Variants in OTOG observed in about 807,000 individuals in gnomAD.
OTOG encodes otogelin.
A neutral mutation model predicts 313.8 loss-of-function variants in OTOG; 296 were observed. That is an observed-to-expected ratio of 0.94 (90% confidence interval 0.86 to 1.04). The LOEUF (loss-of-function observed/expected upper bound fraction) is 1.04, where lower values mean the gene tolerates loss of function less well. Ranked by LOEUF, OTOG falls within the 50% of genes least tolerant of loss-of-function variation. OTOG has a pLI of 0.00. For missense variants in OTOG, 3,948 were observed against 3,840.1 expected (o/e 1.03, Z -0.74); for synonymous variants, 1,533 against 1,554.9 (o/e 0.99, Z 0.33).
In OTOG at chr11:17,559,070, C is replaced by T. The variant is rs774865741; in HGVS notation, c.1122C>T (p.Ala374=). ...TGCACAGATCAATGGGTGATGTAGC[C>T]ACCTGGTGCCGGGCACTGGCGGAGT... ...SDLCQSMGDV[A]TWCRALAEYA... is the part of the protein sequence containing the mutation. Residue 374 remains alanine (A), a synonymous_variant, in exon 11 of 56, where the codon GCC becomes GCT. Transcript: ENST00000399397. The T allele has an allele frequency of 1.3e-6, 2 of 1,548,206 alleles. No homozygotes were observed. The highest frequency in any genetic ancestry group is 2.4e-5 in the East Asian group (1 of 40,904).
chr11:17,586,475 C>T lies in OTOG; in HGVS notation c.2761C>T (p.Leu921=). 7.1e-7 allele frequency: 1 copy of T among 1,406,486 alleles called. No individual in the cohort carries two copies. Among genetic ancestry groups the T allele is most frequent in the Non-Finnish European group, 9.3e-7 (1 of 1,074,706 alleles). The allele number at this position is 1,406,486 out of a possible 1,614,324, so 87.1% of individuals were successfully genotyped here. A position where few individuals can be genotyped will look rare whatever the true frequency, so the allele number is the denominator to read the frequency against. ...CGCCTGCTTGCTGTGTCTCTACAGT[C>T]TGCTCAGACACGGGGATGCATGTTT... is the stretch of plus-strand genomic sequence containing the variant. ...CLSGCACPQG[L]LRHGDACFLP... is the part of the protein sequence containing the mutation. The change falls in exon 24 of 56, where the codon CTG becomes TTG. Residue 921 remains leucine, a splice_region_variant and synonymous_variant. Coordinates refer to ENST00000399397, the MANE Select transcript of OTOG (RefSeq NM_001292063.2).
At position 17,610,103 on chromosome 11, in the gene OTOG, C is replaced by T. The variant is rs1372488778; in HGVS notation, c.4803C>T (p.Ile1601=). The T allele has an allele frequency of 1.2e-5, 19 of 1,550,482 alleles. No homozygotes were observed. In the East Asian group the frequency reaches 4.4e-4, roughly 36 times the overall value. ...VTVIFAGSPN[I]TVSSRSPPAP... ...TGATCTTTGCAGGAAGCCCTAACAT[C>T]ACAGTCTCCTCCCGGTCGCCCCCTG... Residue 1601 remains isoleucine (I), a synonymous_variant, in exon 36 of 56, where the codon ATC becomes ATT. Coordinates refer to ENST00000399397, the MANE Select transcript of OTOG (RefSeq NM_001292063.2).
intron 39 of OTOG, among the ~76,000 whole-genome samples, chr11:17,621,986 T>C (rs1178974744): frequency 6.6e-6 from 1 of 152,210 alleles, no homozygotes; most frequent in African/African-American, 2.4e-5. Flanking sequence ...TGGAGTCCTA[T>C]GAATGCAGGC....
chr11:17,576,531 T>C (rs1852530045), intron 20 of OTOG, 25 bp from the exon 21 acceptor site: 1 of 1,541,678 alleles, frequency 6.5e-7, no homozygotes, highest in African/African-American at 1.4e-5. Flanking sequence ...CCTGCTCACC[T>C]TTCTTTGCTC....
chr11:17,596,650 A>G (rs185818692), intron 29 of OTOG, among the ~76,000 whole-genome samples: 7 of 152,224 alleles, frequency 4.6e-5, no homozygotes, highest in Admixed American at 3.3e-4. Context: ...GAGAGAAGAG[A>G]GCTTAGTTCT....
chr11:17,623,421 G>T (rs1853911422), intron 39 of OTOG, among the ~76,000 whole-genome samples: 1 of 152,096 alleles, frequency 6.6e-6, no homozygotes, highest in Admixed American at 6.6e-5. Context: ...TTTTGCATTA[G>T]TTTGCTAAGG....
chr11:17,610,356 C>A lies in OTOG; in HGVS notation c.5056C>A (p.Gln1686Lys). The A allele has an allele frequency of 6.4e-7, 1 of 1,550,710 alleles. No homozygotes were observed. The highest frequency in any genetic ancestry group is 8.7e-7 in the Non-Finnish European group (1 of 1,147,000). The change falls in exon 36 of 56, where the codon CAG becomes AAG. Residue 1686 changes from glutamine to lysine, a missense_variant. By Grantham distance (53) the Gln-to-Lys change is moderately conservative. Transcript: ENST00000399397. The part of the protein sequence containing the change: ...ISRTGVPQPT[Q>K]AQSASSPSTP... ...CAGGACAGGGGTCCCCCAGCCCACC[C>A]AGGCCCAGAGTGCTTCAAGTCCCAG...
At chr11:17,638,873 G>A in intron 48 of OTOG, 2 of 1,059,278 alleles carry the variant, frequency 1.9e-6, no homozygotes, top group Non-Finnish European at 2.6e-6. Flanking sequence ...CAAGGCGGGT[G>A]GATCATGAGG....
Position 17,629,154 on chromosome 11 carries a change from G to C in OTOG, c.6550G>C (p.Val2184Leu), listed in dbSNP as rs1016271000. 2 of 1,550,508 alleles carry C rather than the reference G, an allele frequency of 1.3e-6. No individual in the cohort carries two copies. The highest frequency in any genetic ancestry group is 1.7e-6 in the Non-Finnish European group (2 of 1,146,958). ...NRKVTVDLQPVWPPVSRYGFR... is the reference protein window; with the variant it reads ...NRKVTVDLQPLWPPVSRYGFR... ...CAAGGTGACTGTGGACTTGCAGCCTGTGTGGCCACCGGTGAGCAGGTATGG... is the reference window on the plus strand; with the variant it reads ...CAAGGTGACTGTGGACTTGCAGCCTCTGTGGCCACCGGTGAGCAGGTATGG... Residue 2184 changes from valine to leucine, a missense_variant, in exon 40 of 56, where the codon GTG (valine) becomes CTG (leucine). Physicochemically the swap from Val to Leu is conservative, Grantham distance 32. Coordinates refer to ENST00000399397, the MANE Select transcript of OTOG (RefSeq NM_001292063.2).
In OTOG at chr11:17,643,521, TG is replaced by T; in HGVS notation, c.8461+20del. ...CTGCAGGACCTGTGAGTGAGCATGGTGGGGGCCCAGGGGTGGGGGGCTCTGA... is the reference window on the plus strand; with the variant it reads ...CTGCAGGACCTGTGAGTGAGCATGGTGGGGCCCAGGGGTGGGGGGCTCTGA... On this transcript the variant is annotated intron_variant, in intron 54 of 55. Transcript: ENST00000399397. 1 of 959,008 alleles carries T rather than the reference TG, an allele frequency of 1.0e-6. No homozygotes were observed. Among genetic ancestry groups the T allele is most frequent in the Admixed American group, 4.1e-5 (1 of 24,304 alleles). 59.4% of individuals were successfully genotyped at this position (959,008 alleles called of 1,614,324 possible).
chr11:17,630,004 C>T (rs556147528), intron 40 of OTOG, among the ~76,000 whole-genome samples: 1 of 152,108 alleles, frequency 6.6e-6, no homozygotes, highest in Non-Finnish European at 1.5e-5. Flanking sequence ...CACACACACA[C>T]CCTCCATCCT....
intron 15 of OTOG, among the ~76,000 whole-genome samples, chr11:17,562,501 T>C (rs1003249068): frequency 1.3e-5 from 2 of 152,206 alleles, no homozygotes; most frequent in Non-Finnish European, 2.9e-5. Context: ...TACGGAACAA[T>C]TTGAACTGGC....
chr11:17,605,757 C>T, intron 32 of OTOG, 100 bp from the exon 33 acceptor site: 3 of 1,328,730 alleles, frequency 2.3e-6, no homozygotes, highest in Non-Finnish European at 3.0e-6. Context: ...GGCGTGCTGC[C>T]ATCCAGAGTC....
At chr11:17,572,927 C>CA (rs1484167340) in intron 18 of OTOG, 151 bp from the exon 19 acceptor site, 5 of 731,528 alleles carry the variant, frequency 6.8e-6, no homozygotes, top group African/African-American at 1.8e-5. Flanking sequence ...CATACCTTCC[C>CA]AGCCAGCTGT....
At chr11:17,593,572 G>A (rs1013310421) in intron 26 of OTOG, 38 bp from the exon 27 acceptor site, 29 of 1,542,886 alleles carry the variant, frequency 1.9e-5, no homozygotes, top group Middle Eastern at 2.3e-4. Flanking sequence ...GCGCTAGGGG[G>A]CACTTGGGCT....
chr11:17,574,867 C>A lies in OTOG; in HGVS notation c.2441C>A (p.Pro814Gln). Residue 814 changes from proline (P) to glutamine (Q), a missense_variant, in exon 20 of 56, where the codon CCA becomes CAA. Pro to Gln is a moderately conservative substitution (Grantham distance 76). Transcript: ENST00000399397. The part of the protein sequence containing the change: ...RDECVEGCAC[P>Q]PDTYLDTQAD... ...GAGTGTGTGGAGGGCTGTGCCTGCC[C>A]ACCGGACACCTATCTGGACACCCAG... is the stretch of plus-strand genomic sequence containing the variant. The A allele has an allele frequency of 6.5e-7, 1 of 1,542,548 alleles. No homozygotes were observed. Among genetic ancestry groups the A allele is most frequent in the Non-Finnish European group, 8.8e-7 (1 of 1,142,572 alleles).
intron 23 of OTOG, among the ~76,000 whole-genome samples, chr11:17,585,076 T>C (rs1852761411): frequency 6.6e-6 from 1 of 152,234 alleles, no homozygotes. Flanking sequence ...TGATTTCCTT[T>C]TCAATTTTTG....
At chr11:17,601,714 G>T (rs1449366613) in intron 31 of OTOG, among the ~76,000 whole-genome samples, 1 of 152,136 alleles carries the variant, frequency 6.6e-6, no homozygotes, top group Non-Finnish European at 1.5e-5. Flanking sequence ...CATGCTCTGT[G>T]CCAACCTATA....
chr11:17,561,254 G>A, intron 14 of OTOG, 117 bp downstream of exon 14: 1 of 1,181,198 alleles, frequency 8.5e-7, no homozygotes, highest in Non-Finnish European at 1.2e-6. Flanking sequence ...AGTTCCATTG[G>A]CTACGCCCCG....
Sources: allele counts gnomAD v4.1 joint callset (sites outside exome capture counted in the v4.1 genomes callset), GRCh38; gene constraint gnomAD v4.1.1; transcripts MANE v1.5; gene names NCBI Gene and HGNC (gene_info 2026-07-23, HGNC 2026-07-21).